TNFRSF21: variants seen among roughly 807,000 people sequenced by gnomAD.
The protein encoded by TNFRSF21 is TNF receptor superfamily member 21, also known as tumor necrosis factor receptor superfamily member 21.
A neutral mutation model predicts 45.6 loss-of-function variants in TNFRSF21; 19 were observed. The ratio of observed to expected loss-of-function variants is 0.42; its 90% confidence interval spans 0.29 to 0.61. The LOEUF is 0.61. TNFRSF21 is among the 20% of genes least tolerant of loss of function. The pLI is 0.23. For synonymous variants in TNFRSF21, 314 were observed against 335.5 expected (o/e 0.94, Z 0.70); for missense variants, 737 against 851.5 (o/e 0.87, Z 1.67).
intron 4 of TNFRSF21, among the ~76,000 whole-genome samples, chr6:47,243,187 T>A (rs1764772390): frequency 6.6e-6 from 1 of 152,204 alleles, no homozygotes; most frequent in African/African-American, 2.4e-5. Flanking sequence ...CCTTTGACCT[T>A]AACCTCTGAC....
At chr6:47,247,573 G>A (rs1039446704) in intron 4 of TNFRSF21, among the ~76,000 whole-genome samples, 6 of 152,208 alleles carry the variant, frequency 3.9e-5, no homozygotes, top group African/African-American at 4.8e-5. Context: ...AGTCAGACCC[G>A]TAGATAAGGA....
intron 3 of TNFRSF21, among the ~76,000 whole-genome samples, chr6:47,261,045 A>G (rs1406575599): frequency 6.6e-6 from 1 of 152,184 alleles, no homozygotes; most frequent in South Asian, 2.1e-4. Flanking sequence ...CCTGAGATGT[A>G]CACATGGAAG....
chr6:47,287,986 T>C (rs1052467577), intron 1 of TNFRSF21, among the ~76,000 whole-genome samples: 3 of 152,200 alleles, frequency 2.0e-5, no homozygotes, highest in East Asian at 1.9e-4. Context: ...TGAAAGCTGG[T>C]TGGTACTCTT....
At chr6:47,245,424 A>G (rs1323675388) in intron 4 of TNFRSF21, among the ~76,000 whole-genome samples, 1 of 146,280 alleles carries the variant, frequency 6.8e-6, no homozygotes, top group Non-Finnish European at 1.5e-5. Context: ...AATACTAAGA[A>G]GAAGTGTGTG....
chr6:47,281,196 G>A (rs1762562733), intron 3 of TNFRSF21, among the ~76,000 whole-genome samples: 1 of 152,016 alleles, frequency 6.6e-6, no homozygotes, highest in South Asian at 2.1e-4. Flanking sequence ...GAAGAGAACA[G>A]TCTTATTGTC....
chr6:47,268,874 T>C (rs1762373516), intron 3 of TNFRSF21, among the ~76,000 whole-genome samples: 1 of 152,102 alleles, frequency 6.6e-6, no homozygotes, highest in African/African-American at 2.4e-5. Context: ...CAAACCTCAG[T>C]CTCCAATATC....
At chr6:47,261,403 G>A (rs1161590739) in intron 3 of TNFRSF21, among the ~76,000 whole-genome samples, 1 of 152,148 alleles carries the variant, frequency 6.6e-6, no homozygotes, top group African/African-American at 2.4e-5. Flanking sequence ...ATGAATGAGA[G>A]TCTTTTTTTG....
rs772870345 is a variant in TNFRSF21, at chr6:47,283,946, T to C, written c.1235A>G (p.Asn412Ser). The C allele has an allele frequency of 6.8e-6, 11 of 1,613,276 alleles. No homozygotes were observed. The highest frequency in any genetic ancestry group is 1.3e-5 in the African/African-American group (1 of 74,980). The change falls in exon 3 of 6, where the codon AAT (asparagine) becomes AGT (serine). Residue 412 changes from asparagine to serine, a missense_variant. Asn to Ser is a conservative substitution (Grantham distance 46). Coordinates refer to ENST00000296861, the MANE Select transcript of TNFRSF21 (RefSeq NM_014452.5). The part of the protein sequence containing the change: ...QNREKWIYYC[N>S]GHGIDILKLV... ...GAAGAGAGAAGGCTCACCATGGCCA[T>C]TGCAGTAGTAGATCCATTTCTCCCG...
chr6:47,271,534 C>T (rs192551788), intron 3 of TNFRSF21, among the ~76,000 whole-genome samples: 1 of 152,314 alleles, frequency 6.6e-6, no homozygotes, highest in Non-Finnish European at 1.5e-5. Context: ...TGCAGAGAAA[C>T]AACCAGTATC....
chr6:47,244,127 C>T (rs2113846060), intron 4 of TNFRSF21, among the ~76,000 whole-genome samples: 1 of 152,244 alleles, frequency 6.6e-6, no homozygotes. Flanking sequence ...AGAGACCATC[C>T]TGGCTAACAC....
At chr6:47,259,769 C>T (rs1461123666) in intron 3 of TNFRSF21, among the ~76,000 whole-genome samples, 1 of 152,102 alleles carries the variant, frequency 6.6e-6, no homozygotes, top group African/African-American at 2.4e-5. Flanking sequence ...CCTATACATC[C>T]GAGGCTGTAC....
intron 3 of TNFRSF21, among the ~76,000 whole-genome samples, chr6:47,278,606 G>C (rs1006812648): frequency 3.3e-5 from 5 of 152,168 alleles, no homozygotes; most frequent in African/African-American, 9.7e-5. Flanking sequence ...GGGACATACA[G>C]TAAGACCCAA....
At position 47,284,642 on chromosome 6, in the gene TNFRSF21, C is replaced by T. The variant is rs80240072; in HGVS notation, c.749-210G>A. 9.1e-3 allele frequency among the ~76,000 whole-genome samples: 1,391 copies of T among 152,294 alleles called. 12 individuals carry two copies. Among genetic ancestry groups the T allele is most frequent in the Non-Finnish European group, 0.013 (869 of 68,022 alleles). ...AAAAATGGAACTGAACCACTAAACTCACATTCTTACACCAAAACCAAGGGC... is the reference window on the plus strand; with the variant it reads ...AAAAATGGAACTGAACCACTAAACTTACATTCTTACACCAAAACCAAGGGC... On this transcript the variant is annotated intron_variant, in intron 2 of 5. Coordinates refer to ENST00000296861, the MANE Select transcript of TNFRSF21 (RefSeq NM_014452.5).
chr6:47,258,884 G>A (rs1296457410), intron 3 of TNFRSF21, among the ~76,000 whole-genome samples: 1 of 152,204 alleles, frequency 6.6e-6, no homozygotes, highest in African/African-American at 2.4e-5. Flanking sequence ...CCTCAGCTCT[G>A]TTGGAGCATG....
At chr6:47,285,501 T>C (rs1219512010) in intron 2 of TNFRSF21, among the ~76,000 whole-genome samples, 1 of 152,148 alleles carries the variant, frequency 6.6e-6, no homozygotes, top group Non-Finnish European at 1.5e-5. Context: ...GATGTAATGG[T>C]ATTTTCTTCC....
chr6:47,272,366 C>A (rs1561945716), intron 3 of TNFRSF21, among the ~76,000 whole-genome samples: 1 of 152,218 alleles, frequency 6.6e-6, no homozygotes, highest in Non-Finnish European at 1.5e-5. Flanking sequence ...GAAACTCACT[C>A]AAAACCACAC....
intron 4 of TNFRSF21, among the ~76,000 whole-genome samples, chr6:47,245,453 TG>T (rs1764810599): frequency 5.5e-5 from 7 of 127,168 alleles, no homozygotes; most frequent in Middle Eastern, 3.8e-3. Flanking sequence ...TGTGTGTGTG[TG>T]TGTTTGTGTG....
chr6:47,242,476 C>T (rs970597256), intron 4 of TNFRSF21, among the ~76,000 whole-genome samples: 1 of 152,116 alleles, frequency 6.6e-6, no homozygotes, highest in African/African-American at 2.4e-5. Context: ...TAAATCCACC[C>T]CCATTTAAGT....
Position 47,234,819 on chromosome 6 carries a change from A to T in TNFRSF21, c.1589T>A (p.Leu530His). Reference sequence around the variant, plus strand: ...CACCGTCAGGAGAGCGGAATTCTCAAGTTTCGCGTTGGGGCTGGGGATGGG... The same window carrying T: ...CACCGTCAGGAGAGCGGAATTCTCATGTTTCGCGTTGGGGCTGGGGATGGG... The part of the protein sequence containing the change: ...PSPIPSPNAK[L>H]ENSALLTVEP... Residue 530 changes from leucine to histidine, a missense_variant, in exon 5 of 6, where the codon CTT (leucine) becomes CAT (histidine). Transcript: ENST00000296861. The T allele has an allele frequency of 6.4e-7, 1 of 1,554,934 alleles. No homozygotes were observed.
Sources: gnomAD v4.1 joint callset for allele counts (sites outside exome capture counted in the v4.1 genomes callset) on GRCh38, gnomAD v4.1.1 for gene constraint, MANE v1.5 for transcripts, NCBI Gene and HGNC (gene_info 2026-07-23, HGNC 2026-07-21) for gene names.